NPAS3: variants seen among roughly 807,000 people sequenced by gnomAD.
NPAS3 encodes neuronal PAS domain protein 3.
In NPAS3, 14 loss-of-function variants were observed where a neutral mutation model predicts 73.1. The ratio of observed to expected loss-of-function variants is 0.19; its 90% CI spans 0.13 to 0.30. NPAS3 has a LOEUF of 0.30. NPAS3 is among the 10% of genes least tolerant of loss of function. NPAS3 has a pLI of 1.00. For synonymous variants in NPAS3, 620 were observed against 541.5 expected, an observed-to-expected ratio of 1.14 and a Z score of -2.01; for missense variants, 1,096 against 1,250.0, an observed-to-expected ratio of 0.88 and a Z score of 1.86.
intron 7 of NPAS3, among the ~76,000 whole-genome samples, chr14:33,749,897 G>A (rs1408019060): frequency 6.6e-6 from 1 of 152,112 alleles, no homozygotes; most frequent in East Asian, 1.9e-4. Flanking sequence ...TCCACACAGT[G>A]GTCCTCTTCT....
intron 2 of NPAS3, among the ~76,000 whole-genome samples, chr14:33,077,774 G>GTTTTTTTTTTTTTTTTTTTTTT (rs3057435): frequency 1.0e-4 from 9 of 87,490 alleles, no homozygotes; most frequent in East Asian, 5.7e-4. Flanking sequence ...TGCAGTAAGG[G>GTTTTTTTTTTTTTTTTTTTTTT]TTTTTTTTTT....
At chr14:33,358,235 T>G in intron 3 of NPAS3, among the ~76,000 whole-genome samples, 1 of 152,012 alleles carries the variant, frequency 6.6e-6, no homozygotes, top group East Asian at 1.9e-4. Context: ...AGCAGTGGTG[T>G]TGAGGTGGAG....
intron 9 of NPAS3, among the ~76,000 whole-genome samples, chr14:33,790,899 C>A (rs1233837201): frequency 6.6e-6 from 1 of 152,192 alleles, no homozygotes; most frequent in African/African-American, 2.4e-5. Context: ...GAACTCCTGG[C>A]CTCAAGTGAT....
At chr14:33,353,978 G>A (rs906040741) in intron 3 of NPAS3, among the ~76,000 whole-genome samples, 1 of 152,028 alleles carries the variant, frequency 6.6e-6, no homozygotes, top group African/African-American at 2.4e-5. Context: ...TAGTGGCTGG[G>A]CACCACACCA....
At chr14:33,049,763 G>C (rs1333030914) in intron 1 of NPAS3, among the ~76,000 whole-genome samples, 1 of 152,158 alleles carries the variant, frequency 6.6e-6, no homozygotes, top group African/African-American at 2.4e-5. Flanking sequence ...CAAAGCTTGG[G>C]CTCCTAAGCA....
At chr14:33,149,687 T>G (rs1213672403) in intron 2 of NPAS3, among the ~76,000 whole-genome samples, 1 of 152,214 alleles carries the variant, frequency 6.6e-6, no homozygotes, top group Non-Finnish European at 1.5e-5. Context: ...AACAGTAATG[T>G]AGAAAGCCTT....
intron 2 of NPAS3, among the ~76,000 whole-genome samples, chr14:33,196,794 A>T (rs1031834107): frequency 6.6e-6 from 1 of 152,242 alleles, no homozygotes; most frequent in Non-Finnish European, 1.5e-5. Flanking sequence ...ATGAATGCTT[A>T]TAGAAGTCTT....
intron 6 of NPAS3, among the ~76,000 whole-genome samples, chr14:33,697,632 G>A (rs1263755214): frequency 6.6e-6 from 1 of 152,138 alleles, no homozygotes; most frequent in East Asian, 1.9e-4. Flanking sequence ...ATGGTGATGG[G>A]AAACTACAGT....
intron 4 of NPAS3, among the ~76,000 whole-genome samples, chr14:33,466,892 C>G (rs539979286): frequency 1.3e-5 from 2 of 152,160 alleles, no homozygotes; most frequent in African/African-American, 4.8e-5. Flanking sequence ...CTGGGGATTA[C>G]AATCAGACAT....
At position 33,800,625 on chromosome 14, in the gene NPAS3, C is replaced by A. The variant is rs1189341002; in HGVS notation, c.2318C>A (p.Ala773Glu). The change falls in exon 12 of 12, where the codon GCG (alanine) becomes GAG (glutamate). Residue 773 changes from alanine to glutamate, a missense_variant. By Grantham distance (107) the Ala-to-Glu change is moderately radical. Around this residue, in one of 5 missense-constraint regions of NPAS3, gnomAD observed 698 missense variants for 676.7 expected, o/e 1.03. Transcript: ENST00000356141. This position sits in a 1 kb window ranked among gnomAD's most constrained non-coding sequence, Gnocchi z 6.5. ...GGGGGCGGGGGCGGGGGCGGCGGCGCGGGGGGCGGCGGCCCCAGCGCGTCC... is the reference window on the plus strand; with the variant it reads ...GGGGGCGGGGGCGGGGGCGGCGGCGAGGGGGGCGGCGGCCCCAGCGCGTCC... 7.3e-7 allele frequency: 1 copy of A among 1,371,014 alleles called. No homozygotes were observed. Among genetic ancestry groups the A allele is most frequent in the Non-Finnish European group, 9.4e-7 (1 of 1,069,470 alleles). 84.9% of individuals were successfully genotyped at this position (1,371,014 alleles called of 1,614,324 possible).
intron 10 of NPAS3, 101 bp from the exon 11 acceptor site, chr14:33,797,356 A>G (rs1658394179): frequency 4.6e-6 from 6 of 1,303,582 alleles, no homozygotes; most frequent in Non-Finnish European, 6.4e-6. Context: ...GAAACTTTCT[A>G]AACTCCAGAA....
At chr14:32,999,234 G>A (rs567225887) in intron 1 of NPAS3, among the ~76,000 whole-genome samples, 4 of 152,190 alleles carry the variant, frequency 2.6e-5, no homozygotes, top group Admixed American at 6.5e-5. Flanking sequence ...TATTCCGGCC[G>A]GGTGCGGTGG....
intron 4 of NPAS3, among the ~76,000 whole-genome samples, chr14:33,380,900 A>G (rs889229372): frequency 4.0e-5 from 6 of 151,470 alleles, no homozygotes; most frequent in Non-Finnish European, 8.8e-5. Flanking sequence ...GAAGTAATCT[A>G]CTCTTTTACT....
intron 4 of NPAS3, among the ~76,000 whole-genome samples, chr14:33,518,654 T>C (rs149310082): frequency 2.7e-5 from 4 of 148,404 alleles, no homozygotes; most frequent in African/African-American, 9.9e-5. Flanking sequence ...TTCCTTGACC[T>C]GGAATACATC....
intron 4 of NPAS3, among the ~76,000 whole-genome samples, chr14:33,408,668 G>C (rs1323880765): frequency 1.3e-5 from 2 of 152,124 alleles, no homozygotes; most frequent in African/African-American, 4.8e-5. Flanking sequence ...CAGCACATGT[G>C]GGGTGCCAGT....
chr14:33,342,379 A>T (rs12587627), intron 3 of NPAS3, among the ~76,000 whole-genome samples: 7,473 of 152,208 alleles, frequency 0.049, 502 homozygotes, highest in East Asian at 0.21. Flanking sequence ...TGGCCACAGA[A>T]TGTGTGTGGT....
At chr14:33,683,840 C>G (rs993491828) in intron 6 of NPAS3, among the ~76,000 whole-genome samples, 1 of 152,214 alleles carries the variant, frequency 6.6e-6, no homozygotes, top group East Asian at 1.9e-4. Context: ...TTAGCAACAA[C>G]GCTTACCCAG....
chr14:32,936,931 T>C (rs2035713669), upstream of NPAS3, among the ~76,000 whole-genome samples: 1 of 27,994 alleles, frequency 3.6e-5, no homozygotes, highest in African/African-American at 1.3e-4. Context: ...AGACTAAGGC[T>C]TTTTTTTTTT....
intron 4 of NPAS3, among the ~76,000 whole-genome samples, chr14:33,524,908 A>G (rs894014258): frequency 3.3e-5 from 5 of 152,168 alleles, no homozygotes; most frequent in Admixed American, 2.6e-4. Context: ...AAACAGTCAC[A>G]TAGGATTATG....
Sources: allele counts gnomAD v4.1 joint callset (sites outside exome capture counted in the v4.1 genomes callset), GRCh38; gene constraint gnomAD v4.1.1; regional missense constraint gnomAD v4.1.1; non-coding constraint Gnocchi (gnomAD v3.1); transcripts MANE v1.5; gene names NCBI Gene and HGNC (gene_info 2026-07-23, HGNC 2026-07-21).